Variants in GASK1A observed in about 807,000 individuals in gnomAD.
The protein encoded by GASK1A is golgi associated kinase 1A.
GASK1A carries 40 observed loss-of-function variants against 41.2 expected under a neutral mutation model. That is an observed-to-expected ratio of 0.97 (90% confidence interval 0.75 to 1.27). The LOEUF is 1.27. GASK1A is among the 50% of genes most tolerant of loss of function. GASK1A has a pLI of 0.00. For synonymous variants in GASK1A, 316 were observed against 307.1 expected (o/e 1.03, Z -0.30); for missense variants, 678 against 745.1 (o/e 0.91, Z 1.05).
At chr3:43,025,340 C>T (rs2125684317) in intron 1 of GASK1A, among the ~76,000 whole-genome samples, 1 of 152,200 alleles carries the variant, frequency 6.6e-6, no homozygotes, top group South Asian at 2.1e-4. Flanking sequence ...AGGTCAGGCC[C>T]AGATTTCTGG....
intron 2 of GASK1A, among the ~76,000 whole-genome samples, chr3:43,035,856 C>T (rs2089601478): frequency 6.6e-6 from 1 of 152,304 alleles, no homozygotes; most frequent in Admixed American, 6.5e-5. Flanking sequence ...GAAATTGAGG[C>T]CCAGAGAAAT....
chr3:42,989,388 G>A (rs1004145800), intron 1 of GASK1A, among the ~76,000 whole-genome samples: 7 of 152,134 alleles, frequency 4.6e-5, no homozygotes, highest in African/African-American at 7.2e-5. Flanking sequence ...TCAGAATGCC[G>A]TTGATCTTTC....
At chr3:43,055,195 C>G (rs924827826) in intron 3 of GASK1A, among the ~76,000 whole-genome samples, 3 of 152,212 alleles carry the variant, frequency 2.0e-5, no homozygotes, top group African/African-American at 7.2e-5. Context: ...TAAAATAGGG[C>G]TAACACTAGT....
intron 2 of GASK1A, among the ~76,000 whole-genome samples, chr3:43,041,351 A>G (rs1208549625): frequency 1.3e-5 from 2 of 152,108 alleles, no homozygotes; most frequent in African/African-American, 4.8e-5. Flanking sequence ...ACAGTGTAAA[A>G]GTGTTCCTAT....
chr3:42,979,636 CG>C lies in GASK1A; in HGVS notation c.-3del. 8.0e-7 allele frequency: 1 copy of C among 1,244,734 alleles called. No homozygotes were observed. 77.1% of individuals were successfully genotyped at this position (1,244,734 alleles called of 1,614,324 possible). A position where few individuals can be genotyped will look rare whatever the true frequency, so the allele number is the denominator to read the frequency against. ...GCCGAGGAGCCGGCCGGGGCACCGC[CG>C]GGGACATGGTAGGACTCGCGGGAAG... On this transcript the variant is annotated 5_prime_UTR_variant, in exon 1 of 5. Coordinates refer to ENST00000430121, the MANE Select transcript of GASK1A (RefSeq NM_001129908.3).
intron 1 of GASK1A, among the ~76,000 whole-genome samples, chr3:43,005,727 A>G (rs960770489): frequency 6.6e-6 from 1 of 152,228 alleles, no homozygotes; most frequent in Non-Finnish European, 1.5e-5. Flanking sequence ...TAAGATCTGC[A>G]GTAAGAATGA....
In GASK1A at chr3:43,011,380, C is replaced by CAAA. The variant is rs55954875; in HGVS notation, c.4-20869_4-20867dup. Among the ~76,000 whole-genome samples the CAAA allele has an allele frequency of 2.2e-3, 191 of 87,202 alleles. 1 individual carries two copies. Among genetic ancestry groups the CAAA allele is most frequent in the African/African-American group, 7.9e-3 (181 of 22,922 alleles). 57.2% of individuals were successfully genotyped at this position (87,202 alleles called of 152,430 possible). A position where few individuals can be genotyped will look rare whatever the true frequency, so the allele number is the denominator to read the frequency against. ...CTGGCGACAGAGTGAGACTCCATCT[C>CAAA]AAAAAAAAAAAAAAAAAAAATGGTT... On this transcript the variant is annotated intron_variant, in intron 1 of 4. Transcript: ENST00000430121.
chr3:43,055,430 A>T lies in GASK1A; in HGVS notation c.1414-2A>T. 6.4e-7 allele frequency: 1 copy of T among 1,550,426 alleles called. No individual in the cohort carries two copies. The highest frequency in any genetic ancestry group is 8.7e-7 in the Non-Finnish European group (1 of 1,145,888). ...CTGTCTCTGTCCACCCTCTTCCCTG[A>T]GGTCCGGAGCAGCGATCCATCTCAC... is the stretch of plus-strand genomic sequence containing the variant. On this transcript the variant is annotated splice_acceptor_variant, in intron 3 of 4. Transcript: ENST00000430121. LOFTEE classifies it high-confidence loss of function.
rs528849959 is a variant in GASK1A, at chr3:43,051,419, T to C, written c.1291-2102T>C. On this transcript the variant is annotated intron_variant, in intron 2 of 4. Transcript: ENST00000430121. ...GCATCTCCAACACGTATGTATGCAA[T>C]TGACAAATCTGCTTTTGCCTTCATT... Among the ~76,000 whole-genome samples, 9 of 152,286 alleles carry C rather than the reference T, an allele frequency of 5.9e-5. No homozygotes were observed. The South Asian group carries it at 1.7e-3, about 28-fold the overall frequency.
chr3:43,006,116 T>C (rs993913479), intron 1 of GASK1A, among the ~76,000 whole-genome samples: 2 of 152,152 alleles, frequency 1.3e-5, no homozygotes, highest in Non-Finnish European at 2.9e-5. Context: ...ACAAGCCAAC[T>C]TCCTCTTAAT....
rs1372414341 is a variant in GASK1A, at chr3:42,984,472, G to C, written c.3+4827G>C. Reference sequence around the variant, plus strand: ...CCCCAGAGTCCAGCCTGTGGCTCCAGAACTGCCAGCTGAGTGGAAGATGGA... The same window carrying C: ...CCCCAGAGTCCAGCCTGTGGCTCCACAACTGCCAGCTGAGTGGAAGATGGA... On this transcript the variant is annotated intron_variant, in intron 1 of 4. Transcript: ENST00000430121. This position sits in a 1 kb window ranked among gnomAD's most constrained non-coding sequence, Gnocchi z 4.2. Among the ~76,000 whole-genome samples, 2 of 152,134 alleles carry C rather than the reference G, an allele frequency of 1.3e-5. No individual in the cohort carries two copies. Among genetic ancestry groups the C allele is most frequent in the Non-Finnish European group, 2.9e-5 (2 of 68,032 alleles).
At position 43,024,439 on chromosome 3, in the gene GASK1A, TATATCAAA is replaced by T. The variant is rs2089536386; in HGVS notation, c.4-7826_4-7819del. On this transcript the variant is annotated intron_variant, in intron 1 of 4. Transcript: ENST00000430121. ...CTTCCTGTTTCTAGCTGACTGTGAA[TATATCAAA>T]AACTTATTTCATGGCAATTATTTTT... is the stretch of plus-strand genomic sequence containing the variant. Among the ~76,000 whole-genome samples the T allele has an allele frequency of 5.3e-5, 8 of 152,206 alleles. 1 individual carries two copies. In the South Asian group the frequency reaches 1.7e-3, roughly 32 times the overall value.
chr3:43,040,488 A>C (rs1286703479), intron 2 of GASK1A, among the ~76,000 whole-genome samples: 1 of 151,978 alleles, frequency 6.6e-6, no homozygotes, highest in Non-Finnish European at 1.5e-5. Flanking sequence ...TCCCCTTCCC[A>C]GATCCTTTTG....
intron 1 of GASK1A, among the ~76,000 whole-genome samples, chr3:43,007,053 G>C (rs551845632): frequency 6.6e-6 from 1 of 152,340 alleles, no homozygotes; most frequent in African/African-American, 2.4e-5. Context: ...TGAAGCTCAG[G>C]ATAGGTGGCC....
intron 2 of GASK1A, chr3:43,037,304 T>A (rs556915773): frequency 1.1e-6 from 1 of 871,150 alleles, no homozygotes; most frequent in African/African-American, 1.6e-5. Flanking sequence ...CCCCAGGTGA[T>A]GACAGGGCTC....
intron 2 of GASK1A, among the ~76,000 whole-genome samples, chr3:43,045,956 C>T (rs56254505): frequency 6.6e-6 from 1 of 152,154 alleles, no homozygotes; most frequent in Non-Finnish European, 1.5e-5. Context: ...CTGAGGCCTC[C>T]TCAGCCATGC....
At chr3:43,013,252 A>ATG (rs1404512714) in intron 1 of GASK1A, among the ~76,000 whole-genome samples, 2 of 132,522 alleles carry the variant, frequency 1.5e-5, no homozygotes, top group African/African-American at 5.8e-5. Flanking sequence ...GGAAGAGGCA[A>ATG]TGTGAAGCCA....
chr3:43,034,326 G>T (rs1215241269), intron 2 of GASK1A, among the ~76,000 whole-genome samples: 5 of 152,172 alleles, frequency 3.3e-5, no homozygotes, highest in Non-Finnish European at 7.3e-5. Context: ...TTGCTGGATC[G>T]AGGGGTAGTG....
chr3:43,013,029 A>C (rs1429783005), intron 1 of GASK1A, among the ~76,000 whole-genome samples: 17 of 150,420 alleles, frequency 1.1e-4, no homozygotes, highest in Admixed American at 1.1e-3. Flanking sequence ...GGGCATGGGA[A>C]ATCACGGGAA....
Sources: gnomAD v4.1 joint callset for allele counts (sites outside exome capture counted in the v4.1 genomes callset) on GRCh38, gnomAD v4.1.1 for gene constraint, Gnocchi (gnomAD v3.1) non-coding constraint, MANE v1.5 for transcripts, NCBI Gene and HGNC (gene_info 2026-07-23, HGNC 2026-07-21) for gene names.